TENM4: variants seen among roughly 807,000 people sequenced by gnomAD.
TENM4 encodes the protein teneurin-4.
TENM4 carries 82 observed loss-of-function variants against 243.3 expected under a neutral mutation model. The ratio of observed to expected loss-of-function variants is 0.34; its 90% CI spans 0.28 to 0.40. The LOEUF (loss-of-function observed/expected upper bound fraction) is 0.40, where lower values mean the gene tolerates loss of function less well. Among genes scored for constraint, TENM4 ranks in the 10% least tolerant of loss-of-function variants. The probability of loss-of-function intolerance (pLI) is 1.00; values close to 1 mark genes in which losing one functional copy is unlikely to be tolerated. For missense variants in TENM4, 3,138 were observed against 3,673.3 expected (o/e 0.85, Z 3.77); for synonymous variants, 1,412 against 1,456.3 (o/e 0.97, Z 0.69).
intron 3 of TENM4, among the ~76,000 whole-genome samples, chr11:79,211,679 G>A (rs1366969691): frequency 6.6e-6 from 1 of 152,122 alleles, no homozygotes; most frequent in Admixed American, 6.5e-5. Context: ...TGTTATTTAT[G>A]TTAAAGTAAG....
At chr11:79,189,158 T>A (rs1863431998) in intron 3 of TENM4, among the ~76,000 whole-genome samples, 1 of 152,226 alleles carries the variant, frequency 6.6e-6, no homozygotes, top group Non-Finnish European at 1.5e-5. Flanking sequence ...AAATTTCATG[T>A]TGTCATAATA....
At position 78,801,606 on chromosome 11, in the gene TENM4, G is replaced by A. The variant is rs1857284003; in HGVS notation, c.2179+3686C>T. Among the ~76,000 whole-genome samples, 3 of 152,174 alleles carry A rather than the reference G, an allele frequency of 2.0e-5. No individual in the cohort carries two copies. In the South Asian group the frequency reaches 6.2e-4, roughly 32 times the overall value. ...AATACAGGGCTGGTTGTTGAGTGCA[G>A]GGCATGTTGATTTAAGCTGCTTTCA... On this transcript the variant is annotated intron_variant, in intron 15 of 33. Coordinates refer to ENST00000278550, the MANE Select transcript of TENM4 (RefSeq NM_001098816.3).
At chr11:79,437,847 G>C (rs1359545218) in intron 1 of TENM4, among the ~76,000 whole-genome samples, 4 of 152,170 alleles carry the variant, frequency 2.6e-5, no homozygotes, top group Non-Finnish European at 4.4e-5. Context: ...GATTCCCACG[G>C]CTGGACCAGA....
chr11:79,377,311 G>A (rs1857910816), intron 1 of TENM4, among the ~76,000 whole-genome samples: 1 of 152,182 alleles, frequency 6.6e-6, no homozygotes, highest in African/African-American at 2.4e-5. Flanking sequence ...CAAGTTTGTG[G>A]TAATTTGTTA....
intron 1 of TENM4, among the ~76,000 whole-genome samples, chr11:79,408,367 C>A (rs764051920): frequency 2.1e-4 from 32 of 152,290 alleles, no homozygotes; most frequent in Non-Finnish European, 3.4e-4. Flanking sequence ...AGAGAAACGC[C>A]AGGTTATGAG....
chr11:79,074,521 GC>G (rs1473574970), intron 4 of TENM4, among the ~76,000 whole-genome samples: 3 of 152,166 alleles, frequency 2.0e-5, no homozygotes, highest in Admixed American at 6.5e-5. Flanking sequence ...GACATCCAAG[GC>G]TTCTGGAGAT....
intron 2 of TENM4, among the ~76,000 whole-genome samples, chr11:79,238,419 G>A (rs1864519537): frequency 6.6e-6 from 1 of 152,146 alleles, no homozygotes; most frequent in South Asian, 2.1e-4. Flanking sequence ...CAAAAAGGCA[G>A]AGGGAGGGTG....
chr11:79,060,587 C>T lies in TENM4; in HGVS notation c.493+4151G>A, dbSNP rs114963619. 3.2e-3 allele frequency among the ~76,000 whole-genome samples: 480 copies of T among 152,288 alleles called. 4 individuals carry two copies. Among genetic ancestry groups the T allele is most frequent in the African/African-American group, 0.011 (438 of 41,548 alleles). The stretch of plus-strand genomic sequence containing the variant: ...TTTATCTGGTAAGGATCTCTGAGAA[C>T]TTGGTTGCACATTTTTGGTGGCCTC... On this transcript the variant is annotated intron_variant, in intron 6 of 33. Transcript: ENST00000278550.
At chr11:79,092,869 C>G (rs1860993500) in intron 4 of TENM4, 2 of 152,202 alleles carry the variant, frequency 1.3e-5, no homozygotes, top group Non-Finnish European at 2.9e-5. Context: ...AGCCCTGGAT[C>G]CCTTGTTTCC....
At chr11:78,727,434 C>CA (rs397973910) in intron 22 of TENM4, among the ~76,000 whole-genome samples, 15,160 of 93,082 alleles carry the variant, frequency 0.16, 2,190 homozygotes, top group African/African-American at 0.41. Flanking sequence ...GACTCCGCCT[C>CA]AAAAAAAAAA....
intron 15 of TENM4, among the ~76,000 whole-genome samples, chr11:78,795,777 C>T (rs550068794): frequency 1.4e-3 from 211 of 152,322 alleles, no homozygotes; most frequent in Middle Eastern, 0.01. Flanking sequence ...ATGGCACCCA[C>T]GCTGTCTCCC....
chr11:79,364,397 A>AT (rs1326197030), intron 1 of TENM4, among the ~76,000 whole-genome samples: 1 of 151,702 alleles, frequency 6.6e-6, no homozygotes, highest in Non-Finnish European at 1.5e-5. Context: ...TAATCTCACT[A>AT]TTTTTTCCCT....
intron 4 of TENM4, among the ~76,000 whole-genome samples, chr11:79,092,646 T>C (rs948764): frequency 0.86 from 131,683 of 152,280 alleles, 57,368 homozygotes; most frequent in Middle Eastern, 0.95. Context: ...CTCTTCATTC[T>C]TATCCCCTGC....
chr11:79,139,975 T>A (rs1862255465), intron 4 of TENM4, among the ~76,000 whole-genome samples: 1 of 151,080 alleles, frequency 6.6e-6, no homozygotes, highest in African/African-American at 2.4e-5. Flanking sequence ...ACATCTTTTA[T>A]TCTGTCTCCT....
At chr11:78,826,672 G>A (rs1857859368) in intron 12 of TENM4, among the ~76,000 whole-genome samples, 1 of 152,124 alleles carries the variant, frequency 6.6e-6, no homozygotes, top group Admixed American at 6.5e-5. Flanking sequence ...ATTACAAACA[G>A]GAGCCCTATG....
intron 1 of TENM4, among the ~76,000 whole-genome samples, chr11:79,359,232 C>T (rs773179585): frequency 2.0e-5 from 3 of 152,184 alleles, no homozygotes; most frequent in Non-Finnish European, 4.4e-5. Context: ...CACCACTGCA[C>T]TCCAGCCTGG....
intron 16 of TENM4, among the ~76,000 whole-genome samples, chr11:78,786,047 G>A (rs1022134451): frequency 5.9e-5 from 9 of 152,124 alleles, no homozygotes; most frequent in Non-Finnish European, 1.2e-4. Context: ...TACACAAACC[G>A]GTTGATTCAA....
intron 28 of TENM4, among the ~76,000 whole-genome samples, chr11:78,692,442 A>G (rs894159826): frequency 3.3e-5 from 5 of 152,094 alleles, no homozygotes; most frequent in African/African-American, 1.2e-4. Context: ...AAATGGGGAT[A>G]ATAATCCTGT....
In TENM4 at chr11:79,130,595, G is replaced by A. The variant is rs972326382; in HGVS notation, c.-66+18115C>T. ...TCCCAGCACTTTGGGAGGCCAAGGC[G>A]GGTGGATCACGAGATCAGGAGATCG... is the stretch of plus-strand genomic sequence containing the variant. On this transcript the variant is annotated intron_variant, in intron 4 of 33. Coordinates refer to ENST00000278550, the MANE Select transcript of TENM4 (RefSeq NM_001098816.3). Among the ~76,000 whole-genome samples the A allele has an allele frequency of 1.5e-4, 23 of 152,188 alleles. 1 individual carries two copies. Among genetic ancestry groups the A allele is most frequent in the South Asian group, 4.1e-4 (2 of 4,830 alleles).
Sources: allele counts gnomAD v4.1 joint callset (sites outside exome capture counted in the v4.1 genomes callset), GRCh38; gene constraint gnomAD v4.1.1; transcripts MANE v1.5; gene names NCBI Gene and HGNC (gene_info 2026-07-23, HGNC 2026-07-21).